PXDNL: variants seen among roughly 807,000 people sequenced by gnomAD.
PXDNL encodes peroxidasin like, also known as probable oxidoreductase PXDNL.
In PXDNL, 145 loss-of-function variants were observed where a neutral mutation model predicts 150.8. The ratio of observed to expected loss-of-function variants is 0.96; its 90% CI spans 0.84 to 1.10. PXDNL has a LOEUF of 1.10. PXDNL is among the 50% of genes least tolerant of loss of function. The pLI, the probability that PXDNL is intolerant of heterozygous loss-of-function variation, is 0.00. For synonymous variants in PXDNL, 757 were observed against 725.7 expected (o/e 1.04, Z -0.69); for missense variants, 2,087 against 1,873.9 (o/e 1.11, Z -2.10).
chr8:51,326,485 C>G (rs1805494649), intron 21 of PXDNL, among the ~76,000 whole-genome samples: 3 of 152,120 alleles, frequency 2.0e-5, no homozygotes, highest in African/African-American at 7.2e-5. Context: ...GTGAGTGAGA[C>G]TCAGTCTCAG....
intron 1 of PXDNL, among the ~76,000 whole-genome samples, chr8:51,706,113 C>T (rs1365284840): frequency 6.6e-6 from 1 of 152,108 alleles, no homozygotes; most frequent in African/African-American, 2.4e-5. Context: ...GAGTTCGTGA[C>T]CAGCCTGACC....
chr8:51,642,368 A>G (rs1308489471), intron 2 of PXDNL, among the ~76,000 whole-genome samples: 1 of 152,158 alleles, frequency 6.6e-6, no homozygotes, highest in African/African-American at 2.4e-5. Flanking sequence ...AATATAAAAT[A>G]AAGTGAAATA....
chr8:51,797,127 T>G (rs1320391508), intron 1 of PXDNL, among the ~76,000 whole-genome samples: 1 of 152,178 alleles, frequency 6.6e-6, no homozygotes, highest in Non-Finnish European at 1.5e-5. Context: ...TCAACACTGA[T>G]TCATGTTAAA....
intron 6 of PXDNL, among the ~76,000 whole-genome samples, chr8:51,476,092 G>A (rs998757974): frequency 6.7e-6 from 1 of 148,524 alleles, no homozygotes; most frequent in African/African-American, 2.6e-5. Context: ...GTGTGACCCT[G>A]TCCCAAAAGC....
In PXDNL at chr8:51,447,141, C is replaced by G; in HGVS notation, c.1388G>C (p.Gly463Ala). The G allele has an allele frequency of 6.2e-7, 1 of 1,613,794 alleles. No homozygotes were observed. The highest frequency in any genetic ancestry group is 8.5e-7 in the Non-Finnish European group (1 of 1,179,806). The change falls in exon 12 of 23, where the codon GGC (glycine) becomes GCC (alanine). Residue 463 changes from glycine (G) to alanine (A), a missense_variant. Gly to Ala is a moderately conservative substitution (Grantham distance 60). Coordinates refer to ENST00000356297, the MANE Select transcript of PXDNL (RefSeq NM_144651.5). ...GCCAGAGGAGAGAACTGTATGCTGGCCTTCCACAGGGAGCTGCCCTCCTGC... is the reference window on the plus strand; with the variant it reads ...GCCAGAGGAGAGAACTGTATGCTGGGCTTCCACAGGGAGCTGCCCTCCTGC... The part of the protein sequence containing the change: ...TKTGGQLPVE[G>A]QHTVLSSGTL...
chr8:51,608,836 CAAAAAA>C (rs59195880), intron 2 of PXDNL, among the ~76,000 whole-genome samples: 7 of 59,598 alleles, frequency 1.2e-4, no homozygotes, highest in African/African-American at 4.0e-4. Context: ...GACTCTGTCT[CAAAAAA>C]AAAAAAAAAA....
chr8:51,525,859 C>T (rs1811760247), intron 4 of PXDNL, among the ~76,000 whole-genome samples: 1 of 152,100 alleles, frequency 6.6e-6, no homozygotes, highest in Non-Finnish European at 1.5e-5. Flanking sequence ...GTGAACCCTC[C>T]CACATATTTG....
chr8:51,340,151 G>C (rs576099022), intron 20 of PXDNL: 1 of 153,912 alleles, frequency 6.5e-6, no homozygotes, highest in Non-Finnish European at 1.4e-5. Context: ...CCAGTAGCCA[G>C]GTAGGGAAGC....
At chr8:51,323,054 C>T (rs1416928226) in intron 21 of PXDNL, among the ~76,000 whole-genome samples, 2 of 152,054 alleles carry the variant, frequency 1.3e-5, no homozygotes, top group African/African-American at 4.8e-5. Flanking sequence ...ATAATCCATT[C>T]TTGAGTGGGG....
intron 2 of PXDNL, among the ~76,000 whole-genome samples, chr8:51,597,394 G>A (rs534171428): frequency 6.6e-6 from 1 of 152,036 alleles, no homozygotes; most frequent in Non-Finnish European, 1.5e-5. Flanking sequence ...AGGTATTTAG[G>A]GTTTCATATA....
In PXDNL at chr8:51,468,258, G is replaced by A. The variant is rs529499005; in HGVS notation, c.812+3929C>T. Among the ~76,000 whole-genome samples, 53 of 151,952 alleles carry A rather than the reference G, an allele frequency of 3.5e-4. No individual in the cohort carries two copies. The South Asian group carries it at 0.01, about 29-fold the overall frequency. On this transcript the variant is annotated intron_variant, in intron 8 of 22. Transcript: ENST00000356297. ...AATTTCTTGCTATAATTGGATTTCC[G>A]TAAATACATCCTTATAATTCTCTCA...
chr8:51,482,143 C>G (rs529598078), intron 6 of PXDNL, among the ~76,000 whole-genome samples: 2 of 152,348 alleles, frequency 1.3e-5, no homozygotes, highest in South Asian at 4.1e-4. Context: ...TGCAAAGCCA[C>G]AGGAGCAGAG....
chr8:51,606,867 A>G (rs1022048001), intron 2 of PXDNL, among the ~76,000 whole-genome samples: 3 of 152,186 alleles, frequency 2.0e-5, no homozygotes, highest in Admixed American at 2.0e-4. Flanking sequence ...CTACATATCA[A>G]GTGCTCAACA....
intron 13 of PXDNL, among the ~76,000 whole-genome samples, chr8:51,425,689 C>T (rs1052416120): frequency 1.1e-4 from 16 of 151,998 alleles, no homozygotes; most frequent in Non-Finnish European, 1.6e-4. Context: ...GGCGTGGTGG[C>T]GGGCGCCTGT....
At chr8:51,360,215 C>T (rs1586032956) in intron 19 of PXDNL, among the ~76,000 whole-genome samples, 1 of 151,960 alleles carries the variant, frequency 6.6e-6, no homozygotes, top group African/African-American at 2.4e-5. Context: ...ATAAACATAC[C>T]CATACATGTA....
intron 2 of PXDNL, among the ~76,000 whole-genome samples, chr8:51,594,340 G>A (rs1813517846): frequency 6.6e-6 from 1 of 152,162 alleles, no homozygotes; most frequent in Non-Finnish European, 1.5e-5. Flanking sequence ...TTCCAACGGT[G>A]GTGCCTAGGA....
intron 1 of PXDNL, among the ~76,000 whole-genome samples, chr8:51,707,912 T>G (rs1014332741): frequency 2.0e-5 from 3 of 152,178 alleles, no homozygotes; most frequent in African/African-American, 4.8e-5. Context: ...CATACATATA[T>G]ATACATGCAC....
intron 1 of PXDNL, among the ~76,000 whole-genome samples, chr8:51,717,045 T>C (rs918679573): frequency 6.6e-6 from 1 of 152,342 alleles, no homozygotes; most frequent in Admixed American, 6.5e-5. Context: ...TCTAGGTGGC[T>C]GTAGTTGCTC....
At position 51,602,784 on chromosome 8, in the gene PXDNL, T is replaced by C. The variant is rs1813751819; in HGVS notation, c.237-10086A>G. On this transcript the variant is annotated intron_variant, in intron 2 of 22. Coordinates refer to ENST00000356297, the MANE Select transcript of PXDNL (RefSeq NM_144651.5). ...ACGTTTGTTTATGTTTTACAATTATTTTTTCAAAGTTTATGTAATTTCTAC... is the reference window on the plus strand; with the variant it reads ...ACGTTTGTTTATGTTTTACAATTATCTTTTCAAAGTTTATGTAATTTCTAC... Among the ~76,000 whole-genome samples the C allele has an allele frequency of 1.3e-5, 2 of 151,722 alleles. 1 individual carries two copies. The highest frequency in any genetic ancestry group is 4.2e-4 in the South Asian group (2 of 4,810).
Sources: gnomAD v4.1 joint callset for allele counts (sites outside exome capture counted in the v4.1 genomes callset) on GRCh38, gnomAD v4.1.1 for gene constraint, MANE v1.5 for transcripts, NCBI Gene and HGNC (gene_info 2026-07-23, HGNC 2026-07-21) for gene names.